The following MGAT4C variants were observed in gnomAD, a reference collection of about 807,000 sequenced individuals.
MGAT4C encodes the protein MGAT4 family member C, also known as alpha-1,3-mannosyl-glycoprotein 4-beta-N-acetylglucosaminyltransferase C.
MGAT4C carries 19 observed loss-of-function variants against 40.1 expected under a neutral mutation model. The observed-to-expected ratio is 0.47, with a 90% CI of 0.33 to 0.70. The LOEUF is 0.70. Ranked by LOEUF, MGAT4C falls within the 30% of genes least tolerant of loss-of-function variation. MGAT4C has a pLI of 0.02. For synonymous variants in MGAT4C, 181 were observed against 187.1 expected (o/e 0.97, Z 0.27); for missense variants, 491 against 563.2 (o/e 0.87, Z 1.30).
chr12:86,034,905 G>A lies in MGAT4C; in HGVS notation c.-7+14769C>T, dbSNP rs1299635319. ...TCATCCATGTACCTGCAAAGAACAT[G>A]AACTCATCCTTTTTTATGGCTGCAT... On this transcript the variant is annotated intron_variant, in intron 2 of 4. Coordinates refer to ENST00000611864, the MANE Select transcript of MGAT4C (RefSeq NM_001351288.2). Among the ~76,000 whole-genome samples, 2 of 149,906 alleles carry A rather than the reference G, an allele frequency of 1.3e-5. 1 individual carries two copies. Among genetic ancestry groups the A allele is most frequent in the Non-Finnish European group, 3.0e-5 (2 of 66,868 alleles).
At chr12:86,779,233 A>G (rs1294858702) in intron 1 of MGAT4C, among the ~76,000 whole-genome samples, 1 of 152,140 alleles carries the variant, frequency 6.6e-6, no homozygotes, top group African/African-American at 2.4e-5. Context: ...GTAAAAAATT[A>G]TAAACAATTG....
At chr12:86,509,846 G>T (rs921566141) in intron 2 of MGAT4C, among the ~76,000 whole-genome samples, 2 of 152,132 alleles carry the variant, frequency 1.3e-5, no homozygotes, top group Non-Finnish European at 2.9e-5. Flanking sequence ...GTTCATTCAT[G>T]ATTTAGCTCT....
chr12:86,047,531 A>G (rs2136957683), intron 2 of MGAT4C, among the ~76,000 whole-genome samples: 1 of 152,262 alleles, frequency 6.6e-6, no homozygotes, highest in East Asian at 1.9e-4. Context: ...AAACCTTAGA[A>G]TGTTTGAGAT....
At position 86,577,982 on chromosome 12, in the gene MGAT4C, C is replaced by T. The variant is rs139436787; in HGVS notation, c.-228-142717G>A. ...AGTTCTCTTGCTGTCTAAACATGTC[C>T]GTGTTTGGCATATTGAGTACCTTTT... On this transcript the variant is annotated intron_variant, in intron 2 of 7. Coordinates refer to the MGAT4C transcript ENST00000548651. Among the ~76,000 whole-genome samples the T allele has an allele frequency of 1.4e-3, 211 of 151,726 alleles. 1 individual carries two copies. The highest frequency in any genetic ancestry group is 3.4e-3 in the Middle Eastern group (1 of 294).
chr12:86,789,979 A>C (rs1274792813), intron 1 of MGAT4C, among the ~76,000 whole-genome samples: 3 of 152,136 alleles, frequency 2.0e-5, no homozygotes, highest in Non-Finnish European at 2.9e-5. Flanking sequence ...TAAAGGGTAC[A>C]AACTAACCAT....
chr12:86,712,657 G>A (rs1950578047), intron 2 of MGAT4C, among the ~76,000 whole-genome samples: 1 of 152,066 alleles, frequency 6.6e-6, no homozygotes. Context: ...TTAAAAATAT[G>A]TTCATCTTCT....
At chr12:86,516,260 A>G (rs1958686368) in intron 2 of MGAT4C, among the ~76,000 whole-genome samples, 1 of 152,204 alleles carries the variant, frequency 6.6e-6, no homozygotes, top group African/African-American at 2.4e-5. Context: ...ACATAAAACT[A>G]TGAAGTATAA....
At chr12:86,347,937 C>G (rs1955076359) in intron 3 of MGAT4C, among the ~76,000 whole-genome samples, 1 of 152,064 alleles carries the variant, frequency 6.6e-6, no homozygotes, top group Non-Finnish European at 1.5e-5. Flanking sequence ...TAACAATGTG[C>G]CTTCCTAATT....
intron 1 of MGAT4C, among the ~76,000 whole-genome samples, chr12:86,080,115 G>A (rs965917515): frequency 3.3e-5 from 5 of 152,052 alleles, no homozygotes; most frequent in Non-Finnish European, 7.4e-5. Context: ...CCAGTGCTAT[G>A]CTGCCATGCC....
intron 2 of MGAT4C, among the ~76,000 whole-genome samples, chr12:86,682,664 A>C (rs1950003335): frequency 1.3e-5 from 2 of 152,152 alleles, no homozygotes; most frequent in South Asian, 4.1e-4. Context: ...CATTTATTTC[A>C]TTAAGAAATT....
intron 2 of MGAT4C, among the ~76,000 whole-genome samples, chr12:85,994,614 T>TC (rs111683470): frequency 0.092 from 13,224 of 143,550 alleles, 1,304 homozygotes; most frequent in African/African-American, 0.26. Flanking sequence ...TTTAAAAAAA[T>TC]CCCCCCCCAG....
At chr12:86,064,869 T>C (rs1420215293) in intron 1 of MGAT4C, among the ~76,000 whole-genome samples, 1 of 151,960 alleles carries the variant, frequency 6.6e-6, no homozygotes, top group East Asian at 1.9e-4. Flanking sequence ...AAAAAAATGA[T>C]TAAAGGGATA....
chr12:86,013,387 G>A (rs375188926), intron 2 of MGAT4C, among the ~76,000 whole-genome samples: 2 of 151,946 alleles, frequency 1.3e-5, no homozygotes, highest in Non-Finnish European at 2.9e-5. Context: ...GACTACAGGC[G>A]CCTGCCACCA....
intron 1 of MGAT4C, among the ~76,000 whole-genome samples, chr12:86,143,068 A>G (rs1359588972): frequency 1.3e-5 from 2 of 152,152 alleles, no homozygotes; most frequent in Admixed American, 1.3e-4. Context: ...ACCAGAAACT[A>G]AATTTGTTGG....
intron 1 of MGAT4C, among the ~76,000 whole-genome samples, chr12:86,824,057 T>C (rs1008683093): frequency 2.0e-5 from 3 of 151,368 alleles, no homozygotes; most frequent in African/African-American, 7.3e-5. Flanking sequence ...TCCACTGTCC[T>C]GCACCATCCT....
intron 2 of MGAT4C, among the ~76,000 whole-genome samples, chr12:85,997,389 C>T (rs1886743277): frequency 1.3e-5 from 2 of 152,150 alleles, no homozygotes; most frequent in Non-Finnish European, 2.9e-5. Flanking sequence ...CATGTCCTCA[C>T]ATTCCAAAAC....
chr12:86,624,768 A>T (rs1464456960), intron 2 of MGAT4C, among the ~76,000 whole-genome samples: 1 of 152,110 alleles, frequency 6.6e-6, no homozygotes, highest in Non-Finnish European at 1.5e-5. Flanking sequence ...ACAGACAGAG[A>T]AAGGTATGGT....
intron 1 of MGAT4C, among the ~76,000 whole-genome samples, chr12:86,139,261 C>A (rs973599506): frequency 6.6e-6 from 1 of 152,178 alleles, no homozygotes; most frequent in Non-Finnish European, 1.5e-5. Flanking sequence ...GTTTAAGAAA[C>A]CCCCTGGGTG....
chr12:86,325,754 G>A (rs534936828), intron 4 of MGAT4C, among the ~76,000 whole-genome samples: 1 of 152,024 alleles, frequency 6.6e-6, no homozygotes, highest in Non-Finnish European at 1.5e-5. Flanking sequence ...GGTGCAGCCT[G>A]TATTCTCAGC....
Sources: allele counts gnomAD v4.1 joint callset (sites outside exome capture counted in the v4.1 genomes callset), GRCh38; gene constraint gnomAD v4.1.1; transcripts MANE v1.5; gene names NCBI Gene and HGNC (gene_info 2026-07-23, HGNC 2026-07-21).